IGF2BP2: variants seen among roughly 807,000 people sequenced by gnomAD.
IGF2BP2 encodes insulin-like growth factor 2 mRNA-binding protein 2.
IGF2BP2 carries 17 observed loss-of-function variants against 75.8 expected under a neutral mutation model. The ratio of observed to expected loss-of-function variants is 0.22; its 90% CI spans 0.15 to 0.34. The LOEUF is 0.34. Ranked by LOEUF, IGF2BP2 falls within the 10% of genes least tolerant of loss-of-function variation. The pLI is 1.00. For synonymous variants in IGF2BP2, 288 were observed against 295.6 expected, an observed-to-expected ratio of 0.97 and a Z score of 0.26; for missense variants, 516 against 772.4, an observed-to-expected ratio of 0.67 and a Z score of 3.93.
At chr3:185,671,483 G>C (rs1444405424) in intron 10 of IGF2BP2, among the ~76,000 whole-genome samples, 1 of 140,724 alleles carries the variant, frequency 7.1e-6, no homozygotes, top group African/African-American at 2.7e-5. Context: ...GTTGCAGTGA[G>C]ACAAGATCGC....
chr3:185,687,180 T>C lies in IGF2BP2; in HGVS notation c.689A>G (p.His230Arg), dbSNP rs767153943. ...TGCAGCTCCAGAGTTCTCTTTTCTA[T>C]GGATATCTACCCTGTAGGAAAAGAA... ...TKQTQSRVDI[H>R]RKENSGAAEK... The change falls in exon 7 of 16, where the codon CAT (histidine) becomes CGT (arginine). Residue 230 changes from histidine (H) to arginine (R), a missense_variant. Coordinates refer to ENST00000382199, the MANE Select transcript of IGF2BP2 (RefSeq NM_006548.6). 4.3e-6 allele frequency: 7 copies of C among 1,611,216 alleles called. No homozygotes were observed. Among genetic ancestry groups the C allele is most frequent in the Middle Eastern group, 1.6e-4 (1 of 6,072 alleles).
intron 7 of IGF2BP2, among the ~76,000 whole-genome samples, chr3:185,676,778 T>C (rs1249080137): frequency 2.7e-5 from 4 of 145,574 alleles, no homozygotes; most frequent in African/African-American, 7.6e-5. Flanking sequence ...TATGGAGATA[T>C]ATATTTACTG....
chr3:185,709,965 T>C (rs1453824475), intron 2 of IGF2BP2, among the ~76,000 whole-genome samples: 3 of 152,176 alleles, frequency 2.0e-5, no homozygotes, highest in Non-Finnish European at 4.4e-5. Flanking sequence ...ATTCATTCAA[T>C]AAATGTTTAC....
chr3:185,810,495 C>G (rs139756822), intron 2 of IGF2BP2, among the ~76,000 whole-genome samples: 2 of 152,298 alleles, frequency 1.3e-5, no homozygotes, highest in Non-Finnish European at 2.9e-5. Context: ...GCAGAATGGC[C>G]AGGTGCAATG....
chr3:185,769,782 T>TCACTGC lies in IGF2BP2; in HGVS notation c.239+53365_239+53370dup, dbSNP rs573202292. Among the ~76,000 whole-genome samples the TCACTGC allele has an allele frequency of 1.3e-4, 18 of 134,480 alleles. No individual in the cohort carries two copies. In the South Asian group the frequency reaches 3.3e-3, roughly 25 times the overall value. The allele number at this position is 134,480 out of a possible 152,430, so 88.2% of individuals were successfully genotyped here. A position where few individuals can be genotyped will look rare whatever the true frequency, so the allele number is the denominator to read the frequency against. On this transcript the variant is annotated intron_variant, in intron 2 of 15. Coordinates refer to ENST00000382199, the MANE Select transcript of IGF2BP2 (RefSeq NM_006548.6). ...AGGTCAATGCTGCAGTGAACTGTGG[T>TCACTGC]CACTGCCACTGCACTCCCGCCTGGA...
intron 2 of IGF2BP2, among the ~76,000 whole-genome samples, chr3:185,762,929 AG>A: frequency 6.6e-6 from 1 of 152,344 alleles, no homozygotes; most frequent in African/African-American, 2.4e-5. Flanking sequence ...CAATATGAGA[AG>A]AGCAAAATAC....
At chr3:185,810,130 A>C (rs1460969379) in intron 2 of IGF2BP2, among the ~76,000 whole-genome samples, 1 of 152,250 alleles carries the variant, frequency 6.6e-6, no homozygotes, top group Admixed American at 6.5e-5. Context: ...ACCATTATAA[A>C]GTGATTACTA....
intron 2 of IGF2BP2, among the ~76,000 whole-genome samples, chr3:185,727,356 C>T (rs6791275): frequency 0.46 from 69,707 of 152,012 alleles, 16,285 homozygotes; most frequent in South Asian, 0.54. Context: ...AGGGGCCTCA[C>T]AGAGCGGGCT....
intron 2 of IGF2BP2, among the ~76,000 whole-genome samples, chr3:185,780,594 T>C (rs1350161240): frequency 6.6e-6 from 1 of 152,220 alleles, no homozygotes; most frequent in Non-Finnish European, 1.5e-5. Context: ...AAAAGTGGTA[T>C]GATGTTGGTT....
Position 185,801,563 on chromosome 3 carries a change from C to T in IGF2BP2, c.239+21590G>A, listed in dbSNP as rs566716433. Among the ~76,000 whole-genome samples, 68 of 150,886 alleles carry T rather than the reference C, an allele frequency of 4.5e-4. 1 individual carries two copies. Among genetic ancestry groups the T allele is most frequent in the Non-Finnish European group, 1.5e-5 (1 of 67,854 alleles). On this transcript the variant is annotated intron_variant, in intron 2 of 15. Coordinates refer to ENST00000382199, the MANE Select transcript of IGF2BP2 (RefSeq NM_006548.6). ...CTGTGGAGAAATAGGAACACTTTTA[C>T]GCTGTTGGGAGTGCAAATTAGTTCA...
intron 2 of IGF2BP2, among the ~76,000 whole-genome samples, chr3:185,761,494 T>C (rs1364054781): frequency 6.6e-6 from 1 of 152,210 alleles, no homozygotes; most frequent in Non-Finnish European, 1.5e-5. Context: ...GCCAGGAGTG[T>C]GAAGAACCAT....
intron 2 of IGF2BP2, among the ~76,000 whole-genome samples, chr3:185,712,331 G>T (rs1333260462): frequency 6.6e-6 from 1 of 151,922 alleles, no homozygotes; most frequent in Non-Finnish European, 1.5e-5. Context: ...TATAAGCAAA[G>T]AAAAAGCCTT....
At chr3:185,721,481 C>T (rs1726534951) in intron 2 of IGF2BP2, among the ~76,000 whole-genome samples, 1 of 152,130 alleles carries the variant, frequency 6.6e-6, no homozygotes, top group African/African-American at 2.4e-5. Flanking sequence ...GGATTACAGG[C>T]ATAGCCACTG....
intron 10 of IGF2BP2, among the ~76,000 whole-genome samples, chr3:185,672,192 C>T (rs563680092): frequency 1.3e-5 from 2 of 152,018 alleles, no homozygotes; most frequent in Admixed American, 1.3e-4. Flanking sequence ...ATCCAGGTAC[C>T]CTATATATTT....
intron 2 of IGF2BP2, among the ~76,000 whole-genome samples, chr3:185,795,709 T>C (rs1737277613): frequency 6.6e-6 from 1 of 152,034 alleles, no homozygotes; most frequent in African/African-American, 2.4e-5. Flanking sequence ...GGTGAAACCC[T>C]GTATCTACTA....
rs1028862597 is a variant in IGF2BP2, at chr3:185,648,497, C to T, written c.1593+906G>A. Among the ~76,000 whole-genome samples, 28 of 150,594 alleles carry T rather than the reference C, an allele frequency of 1.9e-4. No individual in the cohort carries two copies. In the Admixed American group the frequency reaches 1.9e-3, roughly 10 times the overall value. ...AAAAAAAAAAGCTTTACAAAAACAG[C>T]AAATAACACACATATACATATATAC... is the stretch of plus-strand genomic sequence containing the variant. On this transcript the variant is annotated intron_variant, in intron 14 of 15. Transcript: ENST00000382199.
At chr3:185,786,369 A>G (rs1410770225) in intron 2 of IGF2BP2, among the ~76,000 whole-genome samples, 2 of 152,162 alleles carry the variant, frequency 1.3e-5, no homozygotes, top group African/African-American at 4.8e-5. Context: ...ATATGTCCAC[A>G]TGGCCTGAAG....
At chr3:185,818,363 C>G (rs1209833053) in intron 2 of IGF2BP2, among the ~76,000 whole-genome samples, 4 of 152,184 alleles carry the variant, frequency 2.6e-5, no homozygotes, top group African/African-American at 7.2e-5. Flanking sequence ...CTCCAGGTAC[C>G]TGTGACTTGG....
intron 2 of IGF2BP2, among the ~76,000 whole-genome samples, chr3:185,740,963 C>T (rs767422126): frequency 2.0e-5 from 3 of 152,176 alleles, no homozygotes; most frequent in Non-Finnish European, 2.9e-5. Context: ...CTGCAACCTC[C>T]GCCTCCCAGG....
Sources: gnomAD v4.1 joint callset for allele counts (sites outside exome capture counted in the v4.1 genomes callset) on GRCh38, gnomAD v4.1.1 for gene constraint, MANE v1.5 for transcripts, NCBI Gene and HGNC (gene_info 2026-07-23, HGNC 2026-07-21) for gene names.